Variants in PACRG observed in about 807,000 individuals in gnomAD.
PACRG encodes parkin coregulated.
A neutral mutation model predicts 29.7 loss-of-function variants in PACRG; 29 were observed. The observed-to-expected ratio is 0.98, with a 90% CI of 0.73 to 1.33. The LOEUF is 1.33. Among genes scored for constraint, PACRG ranks in the 40% most tolerant of loss-of-function variants. PACRG has a pLI of 0.00. For synonymous variants in PACRG, 116 were observed against 118.7 expected (o/e 0.98, Z 0.15); for missense variants, 279 against 316.2 (o/e 0.88, Z 0.89).
intron 4 of PACRG, among the ~76,000 whole-genome samples, chr6:163,136,104 T>C (rs1238551554): frequency 1.3e-5 from 2 of 152,232 alleles, no homozygotes; most frequent in Non-Finnish European, 2.9e-5. Flanking sequence ...AAGTTTAATG[T>C]CATTAGATTC....
At chr6:163,128,119 C>T (rs1353651304) in intron 4 of PACRG, among the ~76,000 whole-genome samples, 2 of 152,172 alleles carry the variant, frequency 1.3e-5, no homozygotes, top group African/African-American at 2.4e-5. Flanking sequence ...ATGATTCTCT[C>T]TACTCAGGAA....
intron 4 of PACRG, among the ~76,000 whole-genome samples, chr6:163,118,620 A>C (rs1353162013): frequency 1.3e-5 from 2 of 152,200 alleles, no homozygotes; most frequent in Non-Finnish European, 2.9e-5. Flanking sequence ...AAAAATTCAG[A>C]GAGTGTCATA....
intron 2 of PACRG, among the ~76,000 whole-genome samples, chr6:162,983,373 T>A (rs563019356): frequency 9.3e-4 from 142 of 152,068 alleles, no homozygotes; most frequent in African/African-American, 3.3e-3. Context: ...ATACCTTATT[T>A]TTTTTTCCAT....
At chr6:162,955,266 G>A (rs749958655) in intron 2 of PACRG, among the ~76,000 whole-genome samples, 19 of 151,720 alleles carry the variant, frequency 1.3e-4, no homozygotes, top group Middle Eastern at 3.4e-3. Flanking sequence ...TAATGGTTTT[G>A]AAATCTATTT....
chr6:163,211,610 C>A (rs1425969673), intron 4 of PACRG, among the ~76,000 whole-genome samples: 1 of 152,116 alleles, frequency 6.6e-6, no homozygotes, highest in African/African-American at 2.4e-5. Flanking sequence ...GTATTTAAAT[C>A]AATTGCGCAT....
At chr6:163,128,603 C>T (rs1380853616) in intron 4 of PACRG, among the ~76,000 whole-genome samples, 1 of 152,168 alleles carries the variant, frequency 6.6e-6, no homozygotes, top group African/African-American at 2.4e-5. Flanking sequence ...GATACTCAGC[C>T]TCAGAGGCTT....
chr6:162,779,858 A>C (rs145511728), intron 1 of PACRG, among the ~76,000 whole-genome samples: 160 of 152,322 alleles, frequency 1.1e-3, no homozygotes, highest in African/African-American at 3.8e-3. Context: ...AACATCAGGC[A>C]ATGAAGGACA....
At chr6:163,284,086 C>T (rs1188107135) in intron 4 of PACRG, among the ~76,000 whole-genome samples, 1 of 151,948 alleles carries the variant, frequency 6.6e-6, no homozygotes, top group Non-Finnish European at 1.5e-5. Context: ...GCACTCCAGC[C>T]TGGGCAACAA....
intron 1 of PACRG, among the ~76,000 whole-genome samples, chr6:162,801,470 GA>G (rs145861390): frequency 2.7e-5 from 4 of 149,840 alleles, no homozygotes; most frequent in East Asian, 1.9e-4. Context: ...GCACCGATTA[GA>G]AAAAAAAATG....
intron 1 of PACRG, among the ~76,000 whole-genome samples, chr6:162,758,978 A>G (rs1389275354): frequency 6.6e-6 from 1 of 152,182 alleles, no homozygotes; most frequent in East Asian, 1.9e-4. Context: ...AAAGTTCTTC[A>G]TATTGTAGTG....
chr6:162,826,420 G>T (rs1004556550), intron 2 of PACRG, among the ~76,000 whole-genome samples: 1 of 149,586 alleles, frequency 6.7e-6, no homozygotes, highest in Admixed American at 6.7e-5. Flanking sequence ...TAGACATTTT[G>T]TTCCTATTTC....
chr6:163,101,925 A>G (rs1815114245), intron 4 of PACRG, among the ~76,000 whole-genome samples: 1 of 152,240 alleles, frequency 6.6e-6, no homozygotes, highest in Non-Finnish European at 1.5e-5. Flanking sequence ...TTTAAACAAA[A>G]CAAAACAAAA....
intron 4 of PACRG, among the ~76,000 whole-genome samples, chr6:163,113,592 A>G (rs1226585716): frequency 2.0e-5 from 3 of 152,222 alleles, no homozygotes; most frequent in Admixed American, 6.5e-5. Flanking sequence ...GGGCTAATGT[A>G]TTTAGCAAGG....
intron 2 of PACRG, among the ~76,000 whole-genome samples, chr6:162,896,774 T>C (rs913500039): frequency 1.3e-5 from 2 of 152,250 alleles, no homozygotes; most frequent in African/African-American, 4.8e-5. Context: ...TTTTAATATA[T>C]TGGAACAGGT....
intron 2 of PACRG, among the ~76,000 whole-genome samples, chr6:162,952,880 G>T (rs1799754144): frequency 6.6e-6 from 1 of 152,090 alleles, no homozygotes; most frequent in African/African-American, 2.4e-5. Flanking sequence ...CGACGTTTTT[G>T]CATGTGATAT....
intron 2 of PACRG, among the ~76,000 whole-genome samples, chr6:162,967,493 C>T (rs989628869): frequency 1.3e-5 from 2 of 151,410 alleles, no homozygotes; most frequent in Non-Finnish European, 2.9e-5. Flanking sequence ...TTTGGTAGAA[C>T]ATTATTGAAC....
chr6:163,134,128 G>A (rs1438100927), intron 4 of PACRG, among the ~76,000 whole-genome samples: 2 of 152,102 alleles, frequency 1.3e-5, no homozygotes, highest in Non-Finnish European at 2.9e-5. Context: ...AAGAACTATG[G>A]GGTCCCCTAT....
intron 4 of PACRG, among the ~76,000 whole-genome samples, chr6:163,210,902 T>C (rs1452120837): frequency 6.6e-6 from 1 of 152,318 alleles, no homozygotes; most frequent in African/African-American, 2.4e-5. Context: ...TGGTGAACTG[T>C]CTGGTTGGTT....
chr6:162,995,695 C>A (rs1393592551), intron 2 of PACRG, among the ~76,000 whole-genome samples: 1 of 152,214 alleles, frequency 6.6e-6, no homozygotes, highest in South Asian at 2.1e-4. Flanking sequence ...AGAAATCACC[C>A]GTCTTCTGCG....
Sources: allele counts gnomAD v4.1 joint callset (sites outside exome capture counted in the v4.1 genomes callset), GRCh38; gene constraint gnomAD v4.1.1; transcripts MANE v1.5; gene names NCBI Gene and HGNC (gene_info 2026-07-23, HGNC 2026-07-21).